Variants in AK5 observed in about 807,000 individuals in gnomAD.
The protein encoded by AK5 is adenylate kinase 5.
AK5 carries 27 observed loss-of-function variants against 69.5 expected under a neutral mutation model. The ratio of observed to expected loss-of-function variants is 0.39; its 90% CI spans 0.29 to 0.54. AK5 has a LOEUF of 0.54. Among genes scored for constraint, AK5 ranks in the 20% least tolerant of loss-of-function variants. The probability of loss-of-function intolerance (pLI) is 0.71; values close to 1 mark genes in which losing one functional copy is unlikely to be tolerated. For missense variants in AK5, 531 were observed against 700.4 expected, an observed-to-expected ratio of 0.76 and a Z score of 2.73; for synonymous variants, 260 against 244.4, an observed-to-expected ratio of 1.06 and a Z score of -0.60.
chr1:77,536,093 TCCAA>T, intron 13 of AK5, 55 bp downstream of exon 13: 1 of 1,446,976 alleles, frequency 6.9e-7, no homozygotes, highest in Non-Finnish European at 9.3e-7. Context: ...TTTTTTTTTT[TCCAA>T]GAAAAGAGAA....
Position 77,412,455 on chromosome 1 carries a change from AC to A in AK5, c.982+1389del, listed in dbSNP as rs2100572557. 1.3e-5 allele frequency among the ~76,000 whole-genome samples: 2 copies of A among 152,068 alleles called. 1 individual carries two copies. Among genetic ancestry groups the A allele is most frequent in the South Asian group, 4.2e-4 (2 of 4,810 alleles). On this transcript the variant is annotated intron_variant, in intron 7 of 13. Transcript: ENST00000354567. ...TCCCGCTAACTCTTCCACTCCTGAG[AC>A]CCCCTGAAAGCTGGCTTCTGCTTCA...
At chr1:77,545,502 G>GT (rs1366622981) in intron 13 of AK5, among the ~76,000 whole-genome samples, 16 of 152,152 alleles carry the variant, frequency 1.1e-4, no homozygotes, top group African/African-American at 3.9e-4. Context: ...CAGTTTGGTT[G>GT]TTTTTACCTA....
chr1:77,407,446 T>G (rs1420857059), intron 6 of AK5, among the ~76,000 whole-genome samples: 2 of 151,828 alleles, frequency 1.3e-5, no homozygotes, highest in Admixed American at 6.6e-5. Context: ...ATCTAGAAAA[T>G]GTAAAATAAT....
intron 8 of AK5, among the ~76,000 whole-genome samples, chr1:77,444,218 T>A (rs1242154679): frequency 9.0e-6 from 1 of 110,738 alleles, no homozygotes; most frequent in African/African-American, 3.2e-5. Context: ...TATATACCAC[T>A]TATGTATATA....
At chr1:77,531,091 C>A (rs1658548186) in intron 12 of AK5, among the ~76,000 whole-genome samples, 1 of 152,072 alleles carries the variant, frequency 6.6e-6, no homozygotes, top group Non-Finnish European at 1.5e-5. Flanking sequence ...GTGAGTGTTA[C>A]CATTCTTAAA....
intron 8 of AK5, among the ~76,000 whole-genome samples, chr1:77,448,051 AG>A (rs1652863055): frequency 6.6e-6 from 1 of 152,210 alleles, no homozygotes; most frequent in Non-Finnish European, 1.5e-5. Context: ...CAGGGGGCTT[AG>A]GGCTGCTCAG....
intron 8 of AK5, among the ~76,000 whole-genome samples, chr1:77,482,092 T>C (rs1655289830): frequency 6.6e-6 from 1 of 152,258 alleles, no homozygotes; most frequent in African/African-American, 2.4e-5. Flanking sequence ...CATATGCATG[T>C]ATAATAAAAG....
intron 6 of AK5, among the ~76,000 whole-genome samples, chr1:77,347,294 C>G (rs1194023151): frequency 2.0e-5 from 3 of 152,260 alleles, no homozygotes; most frequent in African/African-American, 7.2e-5. Flanking sequence ...AGTGAGAGCC[C>G]TGAAGCAACA....
At chr1:77,526,535 G>A (rs1403471089) in intron 12 of AK5, among the ~76,000 whole-genome samples, 1 of 146,054 alleles carries the variant, frequency 6.8e-6, no homozygotes, top group African/African-American at 2.6e-5. Context: ...GAGTGCCGTG[G>A]TGCGATCTTG....
chr1:77,468,500 C>G (rs1654280221), intron 8 of AK5, among the ~76,000 whole-genome samples: 1 of 152,236 alleles, frequency 6.6e-6, no homozygotes, highest in Admixed American at 6.5e-5. Context: ...AAAGGGCTGC[C>G]TTCACTCAGT....
chr1:77,282,247 C>A lies in AK5; in HGVS notation c.-67C>A. Reference sequence around the variant, plus strand: ...CGGACTCTGCCAGCCCCAGCTTCAGCCCCGGCTCAGGTCGCCGCAGCCCGG... The same window carrying A: ...CGGACTCTGCCAGCCCCAGCTTCAGACCCGGCTCAGGTCGCCGCAGCCCGG... On this transcript the variant is annotated 5_prime_UTR_variant, in exon 1 of 14. Coordinates refer to ENST00000354567, the MANE Select transcript of AK5 (RefSeq NM_174858.3). 1 of 1,473,968 alleles carries A rather than the reference C, an allele frequency of 6.8e-7. No homozygotes were observed. The highest frequency in any genetic ancestry group is 9.2e-7 in the Non-Finnish European group (1 of 1,091,570). 91.3% of individuals were successfully genotyped at this position (1,473,968 alleles called of 1,614,324 possible). A position where few individuals can be genotyped will look rare whatever the true frequency, so the allele number is the denominator to read the frequency against.
At chr1:77,534,473 A>G (rs749522270) in intron 12 of AK5, among the ~76,000 whole-genome samples, 22 of 152,346 alleles carry the variant, frequency 1.4e-4, no homozygotes, top group Middle Eastern at 3.4e-3. Context: ...TAAGCCTCAT[A>G]GAGGAAATAA....
intron 8 of AK5, among the ~76,000 whole-genome samples, chr1:77,455,317 T>G (rs1653409257): frequency 2.0e-5 from 3 of 152,164 alleles, no homozygotes; most frequent in Admixed American, 6.5e-5. Flanking sequence ...GATTAGGTCG[T>G]GAGGGCAGAG....
At chr1:77,539,097 A>G (rs778645736) in intron 13 of AK5, among the ~76,000 whole-genome samples, 3 of 152,218 alleles carry the variant, frequency 2.0e-5, no homozygotes, top group East Asian at 1.9e-4. Context: ...GCTACCTACT[A>G]TTGACTTAAG....
At chr1:77,449,774 A>G (rs751499304) in intron 8 of AK5, among the ~76,000 whole-genome samples, 1 of 152,146 alleles carries the variant, frequency 6.6e-6, no homozygotes, top group Admixed American at 6.5e-5. Context: ...AGGGGTTGAC[A>G]TGCCCTGGAG....
At chr1:77,378,452 G>C (rs933633561) in intron 6 of AK5, among the ~76,000 whole-genome samples, 1 of 152,144 alleles carries the variant, frequency 6.6e-6, no homozygotes, top group Non-Finnish European at 1.5e-5. Flanking sequence ...CTCCCAAGTA[G>C]CTGGGATTAC....
At chr1:77,283,140 A>C in intron 1 of AK5, 2 of 985,548 alleles carry the variant, frequency 2.0e-6, no homozygotes, top group Non-Finnish European at 2.4e-6. Flanking sequence ...GAATGGGGGG[A>C]CACTTGGAGA....
At chr1:77,302,017 C>A (rs1203401019) in intron 5 of AK5, among the ~76,000 whole-genome samples, 1 of 151,564 alleles carries the variant, frequency 6.6e-6, no homozygotes, top group East Asian at 1.9e-4. Flanking sequence ...GCAGGGGCAC[C>A]ACTGTAGCTC....
intron 6 of AK5, among the ~76,000 whole-genome samples, chr1:77,361,433 A>C (rs1646862596): frequency 6.6e-6 from 1 of 152,204 alleles, no homozygotes; most frequent in South Asian, 2.1e-4. Flanking sequence ...GGTTACTATT[A>C]AGACTAAGTG....
Sources: allele counts gnomAD v4.1 joint callset (sites outside exome capture counted in the v4.1 genomes callset), GRCh38; gene constraint gnomAD v4.1.1; transcripts MANE v1.5; gene names NCBI Gene and HGNC (gene_info 2026-07-23, HGNC 2026-07-21).